Variants in PLCZ1 observed in about 807,000 individuals in gnomAD.
PLCZ1 encodes phospholipase C zeta 1, also known as 1-phosphatidylinositol 4,5-bisphosphate phosphodiesterase zeta-1.
A neutral mutation model predicts 76.8 loss-of-function variants in PLCZ1; 64 were observed. That is an observed-to-expected ratio of 0.83 (90% CI 0.68 to 1.03). The LOEUF (loss-of-function observed/expected upper bound fraction) is 1.03, where lower values mean the gene tolerates loss of function less well. Among genes scored for constraint, PLCZ1 ranks in the 50% least tolerant of loss-of-function variants. The pLI, the probability that PLCZ1 is intolerant of heterozygous loss-of-function variation, is 0.00. For synonymous variants in PLCZ1, 248 were observed against 230.8 expected (o/e 1.07, Z -0.68); for missense variants, 751 against 713.7 (o/e 1.05, Z -0.60).
At chr12:18,664,764 C>A in the PLCZ1 span, among the ~76,000 whole-genome samples, 5 of 151,338 alleles carry the variant, frequency 3.3e-5, no homozygotes, top group African/African-American at 1.2e-4. Flanking sequence ...ATCCAAATGT[C>A]CAACAATGAT....
At chr12:18,737,540 T>A (rs918070948) in intron 1 of PLCZ1, 31 bp from the exon 2 acceptor site, 2 of 750,704 alleles carry the variant, frequency 2.7e-6, no homozygotes, top group Non-Finnish European at 4.1e-6. Flanking sequence ...ACACAGTGGT[T>A]TTTTTTGCCT....
chr12:18,707,990 C>A (rs1956827684), intron 6 of PLCZ1, among the ~76,000 whole-genome samples: 1 of 152,164 alleles, frequency 6.6e-6, no homozygotes, highest in African/African-American at 2.4e-5. Flanking sequence ...CATCATTTCA[C>A]AGTTACCCTT....
chr12:18,693,458 C>T, intron 12 of PLCZ1: 7 of 1,606,188 alleles, frequency 4.4e-6, no homozygotes, highest in Non-Finnish European at 5.9e-6. Flanking sequence ...CTGTGGTCCA[C>T]CTGGCACAGG....
chr12:18,728,324 C>T (rs1958867303), intron 3 of PLCZ1, among the ~76,000 whole-genome samples: 1 of 152,040 alleles, frequency 6.6e-6, no homozygotes, highest in Non-Finnish European at 1.5e-5. Flanking sequence ...CAATAACTTC[C>T]TTATATGTTT....
intron 2 of PLCZ1, chr12:18,736,854 T>G: frequency 2.2e-6 from 1 of 458,994 alleles, no homozygotes; most frequent in Non-Finnish European, 4.3e-6. Flanking sequence ...AAGTTATTAT[T>G]ACTACATTAG....
In PLCZ1 at chr12:18,701,637, TCC is replaced by T; in HGVS notation, c.949+53_949+54del. On this transcript the variant is annotated intron_variant, in intron 8 of 14. Coordinates refer to ENST00000266505, the MANE Select transcript of PLCZ1 (RefSeq NM_033123.4). Reference sequence around the variant, plus strand: ...CTCCTCCTCCTCCTCCTCCTCCTCCTCCTCCTCCTCCTCCTCTCCATCTGCCA... The same window carrying T: ...CTCCTCCTCCTCCTCCTCCTCCTCCTTCCTCCTCCTCCTCTCCATCTGCCA... The T allele has an allele frequency of 4.4e-6, 7 of 1,588,830 alleles. No homozygotes were observed. In the African/African-American group the frequency reaches 8.3e-5, roughly 19 times the overall value.
chr12:18,718,836 T>C (rs1428040998), intron 5 of PLCZ1, among the ~76,000 whole-genome samples: 1 of 152,226 alleles, frequency 6.6e-6, no homozygotes, highest in Non-Finnish European at 1.5e-5. Context: ...AATCTTATTC[T>C]GCACTGTATC....
chr12:18,677,043 A>G, the PLCZ1 span, among the ~76,000 whole-genome samples: 2 of 152,208 alleles, frequency 1.3e-5, no homozygotes, highest in East Asian at 1.9e-4. Flanking sequence ...GATGAATGAG[A>G]GTGATTCTTT....
At position 18,712,968 on chromosome 12, in the gene PLCZ1, G is replaced by A. The variant is rs535719220; in HGVS notation, c.588C>T (p.Cys196=). 5 of 1,613,732 alleles carry A rather than the reference G, an allele frequency of 3.1e-6. No individual in the cohort carries two copies. Among genetic ancestry groups the A allele is most frequent in the Non-Finnish European group, 4.2e-6 (5 of 1,179,802 alleles). The part of the protein sequence containing the change: ...WGYVSALVKG[C]RCLEIDCWDG... ...CCCAGCAGTCAATCTCCAAACAACG[G>A]CATCCTTTCACAAGGGCACTAGCAA... Residue 196 remains cysteine (C), a synonymous_variant, in exon 6 of 15, where the codon TGC becomes TGT. Transcript: ENST00000266505.
At chr12:18,733,906 C>T (rs1186045852) in intron 3 of PLCZ1, among the ~76,000 whole-genome samples, 1 of 152,134 alleles carries the variant, frequency 6.6e-6, no homozygotes, top group East Asian at 1.9e-4. Flanking sequence ...TGTGATGCCT[C>T]CACCTTTATA....
the PLCZ1 span, among the ~76,000 whole-genome samples, chr12:18,656,837 G>A: frequency 6.6e-6 from 1 of 152,094 alleles, no homozygotes; most frequent in Non-Finnish European, 1.5e-5. Context: ...ATCAAATTTT[G>A]CAACAACAAA....
At chr12:18,657,384 C>G in the PLCZ1 span, among the ~76,000 whole-genome samples, 1 of 152,098 alleles carries the variant, frequency 6.6e-6, no homozygotes, top group African/African-American at 2.4e-5. Flanking sequence ...ATCCAGAGCT[C>G]TTGTCACTGG....
chr12:18,649,707 T>G, the PLCZ1 span, among the ~76,000 whole-genome samples: 16 of 152,304 alleles, frequency 1.1e-4, no homozygotes, highest in Non-Finnish European at 2.2e-4. Flanking sequence ...TGACCTCCAA[T>G]TAGCTAAATC....
downstream of PLCZ1, among the ~76,000 whole-genome samples, chr12:18,681,978 C>T (rs998670598): frequency 2.6e-5 from 4 of 151,968 alleles, no homozygotes; most frequent in Non-Finnish European, 4.4e-5. Context: ...GCTGAAACTC[C>T]CTCCTGCTGT....
the PLCZ1 span, among the ~76,000 whole-genome samples, chr12:18,660,348 A>G: frequency 6.6e-6 from 1 of 152,148 alleles, no homozygotes; most frequent in Non-Finnish European, 1.5e-5. Context: ...TCAAAAAGGC[A>G]GAGACACAGA....
intron 6 of PLCZ1, among the ~76,000 whole-genome samples, chr12:18,708,320 C>G (rs1956875018): frequency 6.6e-6 from 1 of 152,108 alleles, no homozygotes; most frequent in Admixed American, 6.5e-5. Context: ...AATGTCCTCA[C>G]TCATGCTGTG....
intron 6 of PLCZ1, among the ~76,000 whole-genome samples, chr12:18,711,217 A>C (rs1282849721): frequency 1.3e-5 from 2 of 151,862 alleles, no homozygotes; most frequent in Non-Finnish European, 2.9e-5. Context: ...AAAAATGAAG[A>C]GTTCATGTCC....
At chr12:18,661,029 G>A in the PLCZ1 span, among the ~76,000 whole-genome samples, 1 of 152,090 alleles carries the variant, frequency 6.6e-6, no homozygotes, top group Admixed American at 6.6e-5. Context: ...AAATTCACTA[G>A]AAGAATTGAA....
intron 6 of PLCZ1, among the ~76,000 whole-genome samples, chr12:18,708,312 T>C (rs1171226246): frequency 6.6e-6 from 1 of 152,202 alleles, no homozygotes; most frequent in Non-Finnish European, 1.5e-5. Context: ...CTTAACATAA[T>C]GTCCTCACTC....
Sources: gnomAD v4.1 joint callset for allele counts (sites outside exome capture counted in the v4.1 genomes callset) on GRCh38, gnomAD v4.1.1 for gene constraint, MANE v1.5 for transcripts, NCBI Gene and HGNC (gene_info 2026-07-23, HGNC 2026-07-21) for gene names.